Variants in SLU7 observed in about 807,000 individuals in gnomAD.
SLU7 encodes spliceosome associated SLU7.
In SLU7, 60 loss-of-function variants were observed where a neutral mutation model predicts 87.0. The ratio of observed to expected loss-of-function variants is 0.69; its 90% CI spans 0.56 to 0.86. The LOEUF is 0.86. Among genes scored for constraint, SLU7 ranks in the 40% least tolerant of loss-of-function variants. SLU7 has a pLI of 0.00. For missense variants in SLU7, 507 were observed against 686.6 expected (o/e 0.74, Z 2.92); for synonymous variants, 197 against 222.0 (o/e 0.89, Z 1.00).
chr5:160,412,497 TG>T lies in SLU7; in HGVS notation c.592del (p.Gln198ArgfsTer7). On this transcript the variant is annotated frameshift_variant, in exon 6 of 16. Transcript: ENST00000297151. LOFTEE classifies it high-confidence loss of function. ...VDLAKRTLKA[Q>X]KLQEELASGK... ...TGAGGCTAATTCCTCTTGGAGTTTC[TG>T]GGCTTTCAATGTTCGTTTTGCCTTT... is the stretch of plus-strand genomic sequence containing the variant. The T allele has an allele frequency of 6.5e-7, 1 of 1,533,746 alleles. No individual in the cohort carries two copies.
At chr5:160,418,690 C>T (rs1031147868) in intron 1 of SLU7, 1 of 152,186 alleles carries the variant, frequency 6.6e-6, no homozygotes, top group Non-Finnish European at 1.5e-5. Context: ...ATTTTTCTGG[C>T]GAGGAAATAC....
At position 160,403,131 on chromosome 5, in the gene SLU7, G is replaced by A. The variant is rs1483956907; in HGVS notation, c.*154C>T. The A allele has an allele frequency of 6.4e-6, 3 of 470,034 alleles. No individual in the cohort carries two copies. Among genetic ancestry groups the A allele is most frequent in the Admixed American group, 4.2e-5 (1 of 23,814 alleles). The allele number at this position is 470,034 out of a possible 1,614,324, so 29.1% of individuals were successfully genotyped here. A position where few individuals can be genotyped will look rare whatever the true frequency, so the allele number is the denominator to read the frequency against. ...TCTTCTTTTCTTGTTTCCTCAGTAT[G>A]GAAAGGAGTGAACTTACTGTGAGGC... On this transcript the variant is annotated 3_prime_UTR_variant, in exon 16 of 16. Coordinates refer to ENST00000297151, the MANE Select transcript of SLU7 (RefSeq NM_006425.5).
chr5:160,414,337 G>C lies in SLU7; in HGVS notation c.306C>G (p.Tyr102Ter). The change falls in exon 3 of 16, where the codon TAC becomes TAG. Residue 102 changes from tyrosine (Y) to a stop codon, truncating the protein, a stop_gained. Transcript: ENST00000297151. LOFTEE classifies it high-confidence loss of function. ...TACATACCTCTTTTACACCCCTCTT[G>C]TACCATTCTCCAGATGAGCTGAACT... ...QKQFSSSGEW[Y>*]KRGVKENSII... The C allele has an allele frequency of 6.2e-7, 1 of 1,610,364 alleles. No homozygotes were observed. The highest frequency in any genetic ancestry group is 8.5e-7 in the Non-Finnish European group (1 of 1,178,378).
intron 6 of SLU7, among the ~76,000 whole-genome samples, chr5:160,411,205 G>C (rs114368616): frequency 0.013 from 1,943 of 152,066 alleles, 47 homozygotes; most frequent in African/African-American, 0.045. Flanking sequence ...GTCTCATGGA[G>C]CAGAGATGGA....
intron 6 of SLU7, among the ~76,000 whole-genome samples, chr5:160,410,217 G>C (rs1179615077): frequency 6.6e-6 from 1 of 152,002 alleles, no homozygotes; most frequent in African/African-American, 2.4e-5. Context: ...AATTAACACA[G>C]GGATATTTTC....
rs562171392 is a variant in SLU7, at chr5:160,417,763, G to A, written c.-17+1260C>T. Among the ~76,000 whole-genome samples the A allele has an allele frequency of 2.5e-4, 35 of 137,940 alleles. No individual in the cohort carries two copies. In the South Asian group the frequency reaches 6.2e-3, roughly 24 times the overall value. 90.5% of individuals were successfully genotyped at this position (137,940 alleles called of 152,430 possible). A position where few individuals can be genotyped will look rare whatever the true frequency, so the allele number is the denominator to read the frequency against. ...GCTGATATTGCGTCACTGCACTCCAGCCTGGGCGACAGAGCTAGACTACGT... is the reference window on the plus strand; with the variant it reads ...GCTGATATTGCGTCACTGCACTCCAACCTGGGCGACAGAGCTAGACTACGT... On this transcript the variant is annotated intron_variant, in intron 1 of 15. Transcript: ENST00000297151.
intron 6 of SLU7, among the ~76,000 whole-genome samples, chr5:160,411,228 T>C (rs1012239293): frequency 2.0e-5 from 3 of 151,880 alleles, no homozygotes; most frequent in African/African-American, 4.8e-5. Flanking sequence ...TTGTTATTGA[T>C]TGACTGATTG....
At chr5:160,413,431 C>G in intron 5 of SLU7, 25 bp downstream of exon 5, 2 of 1,607,712 alleles carry the variant, frequency 1.2e-6, no homozygotes, top group Non-Finnish European at 1.7e-6. Flanking sequence ...TTAAAAACCC[C>G]AGGAAAGCAG....
chr5:160,403,317 C>A lies in SLU7; in HGVS notation c.1729G>T (p.Asp577Tyr), dbSNP rs540085312. The change falls in exon 16 of 16, where the codon GAT (aspartate) becomes TAT (tyrosine). Residue 577 changes from aspartate to tyrosine, a missense_variant. By Grantham distance (160) the Asp-to-Tyr change is radical (BLOSUM62 -3). Around this residue, in one of 6 missense-constraint regions of SLU7, gnomAD observed 201 missense variants for 213.4 expected, o/e 0.94. Coordinates refer to ENST00000297151, the MANE Select transcript of SLU7 (RefSeq NM_006425.5). ...EAYRMKRQRP[D>Y]DPMASFLGQ ...CCAAGGAAAGAGGCCATGGGGTCAT[C>A]TGGCCTCTGACGTTTCATTCTATAT... 6.8e-6 allele frequency: 11 copies of A among 1,609,644 alleles called. No individual in the cohort carries two copies. In the African/African-American group the frequency reaches 1.1e-4, roughly 16 times the overall value.
intron 6 of SLU7, among the ~76,000 whole-genome samples, chr5:160,409,178 A>T (rs977677273): frequency 2.6e-5 from 4 of 152,120 alleles, no homozygotes. Context: ...AGTAAGTCCA[A>T]AAAGAAAATA....
chr5:160,408,165 T>C (rs2113119464), intron 8 of SLU7, 97 bp from the exon 9 acceptor site: 1 of 1,145,238 alleles, frequency 8.7e-7, no homozygotes, highest in South Asian at 1.4e-5. Context: ...ATTAAATAAA[T>C]GTGTGTATAC....
At chr5:160,412,619 G>T in intron 5 of SLU7, 100 bp from the exon 6 acceptor site, 5 of 694,354 alleles carry the variant, frequency 7.2e-6, no homozygotes, top group Non-Finnish European at 1.2e-5. Flanking sequence ...TATTTAAAAT[G>T]AATAACTTTA....
chr5:160,415,870 G>T (rs991776175), intron 1 of SLU7, among the ~76,000 whole-genome samples: 3 of 151,956 alleles, frequency 2.0e-5, no homozygotes, highest in Non-Finnish European at 4.4e-5. Flanking sequence ...TGACTTCCCT[G>T]ACACTACATT....
At position 160,402,133 on chromosome 5, in the gene SLU7, T is replaced by C. The variant is rs1764806903; in HGVS notation, c.*1152A>G. ...TAAACCAACTTCAGGTTTTGTTTTT[T>C]TGCAAATTTTACAAACAAAGTAACA... On this transcript the variant is annotated 3_prime_UTR_variant, in exon 16 of 16. Transcript: ENST00000297151. 1 of 152,238 alleles carries C rather than the reference T, an allele frequency of 6.6e-6. No individual in the cohort carries two copies. The highest frequency in any genetic ancestry group is 2.1e-4 in the South Asian group (1 of 4,832). The allele number at this position is 152,238 out of a possible 1,614,324, so 9.4% of individuals were successfully genotyped here. A position where few individuals can be genotyped will look rare whatever the true frequency, so the allele number is the denominator to read the frequency against.
chr5:160,415,078 A>G, intron 2 of SLU7, 47 bp downstream of exon 2: 1 of 1,453,234 alleles, frequency 6.9e-7, no homozygotes. Context: ...AGTAGACATG[A>G]ATTTGAATTC....
chr5:160,417,837 G>A (rs531166234), intron 1 of SLU7, among the ~76,000 whole-genome samples: 10 of 148,268 alleles, frequency 6.7e-5, no homozygotes, highest in East Asian at 3.9e-4. Context: ...TTTATCATTC[G>A]TACTCTAAAA....
chr5:160,408,661 T>C lies in SLU7; in HGVS notation c.676A>G (p.Asn226Asp), dbSNP rs758098079. ...PKHQWGEEEP[N>D]SQMEKDHNSE... ...CAAATATGTATTACCATCTGAGAAT[T>C]TGGTTCCTCTTCTCCCCACTGGTGT... is the stretch of plus-strand genomic sequence containing the variant. Residue 226 changes from asparagine (N) to aspartate (D), a missense_variant, in exon 7 of 16, where the codon AAT (asparagine) becomes GAT (aspartate). Asn to Asp is a conservative substitution (Grantham distance 23, BLOSUM62 1). Coordinates refer to ENST00000297151, the MANE Select transcript of SLU7 (RefSeq NM_006425.5). The C allele has an allele frequency of 5.7e-6, 9 of 1,572,598 alleles. No homozygotes were observed. The South Asian group carries it at 5.8e-5, about 10-fold the overall frequency.
chr5:160,403,542 C>A, intron 15 of SLU7, 78 bp from the exon 16 acceptor site: 1 of 1,279,216 alleles, frequency 7.8e-7, no homozygotes, highest in Non-Finnish European at 1.1e-6. Flanking sequence ...AGTACCAACA[C>A]ACCCCACTGA....
At chr5:160,418,295 A>G (rs2038935244) in intron 1 of SLU7, among the ~76,000 whole-genome samples, 1 of 152,224 alleles carries the variant, frequency 6.6e-6, no homozygotes, top group African/African-American at 2.4e-5. Context: ...TTTACAGTGA[A>G]GAAACAGGTT....
Sources: allele counts gnomAD v4.1 joint callset (sites outside exome capture counted in the v4.1 genomes callset), GRCh38; gene constraint gnomAD v4.1.1; regional missense constraint gnomAD v4.1.1; transcripts MANE v1.5; gene names NCBI Gene and HGNC (gene_info 2026-07-23, HGNC 2026-07-21).